Variants in ELMO1 observed in about 807,000 individuals in gnomAD.
The protein encoded by ELMO1 is engulfment and cell motility 1, also known as engulfment and cell motility protein 1.
ELMO1 carries 26 observed loss-of-function variants against 98.9 expected under a neutral mutation model. That is an observed-to-expected ratio of 0.26 (90% CI 0.19 to 0.36). ELMO1 has a LOEUF of 0.36. ELMO1 is among the 10% of genes least tolerant of loss of function. ELMO1 has a pLI of 1.00. For synonymous variants in ELMO1, 346 were observed against 346.0 expected (o/e 1.00, Z 0.00); for missense variants, 627 against 935.2 (o/e 0.67, Z 4.30).
intron 1 of ELMO1, among the ~76,000 whole-genome samples, chr7:37,352,456 C>A (rs971586014): frequency 6.6e-5 from 10 of 152,336 alleles, no homozygotes; most frequent in Non-Finnish European, 1.3e-4. Flanking sequence ...GGGACTTTAA[C>A]GTAACACGTG....
intron 4 of ELMO1, among the ~76,000 whole-genome samples, chr7:37,278,100 G>GTGATAGCTTT (rs1468450197): frequency 7.2e-6 from 1 of 138,540 alleles, no homozygotes; most frequent in Non-Finnish European, 1.5e-5. Flanking sequence ...TTTACTTTCT[G>GTGATAGCTTT]TGATAGCTTT....
intron 13 of ELMO1, among the ~76,000 whole-genome samples, chr7:37,166,791 G>GTGTGC (rs1419095730): frequency 2.6e-5 from 4 of 152,260 alleles, no homozygotes; most frequent in Non-Finnish European, 4.4e-5. Flanking sequence ...GTGTGGTGTG[G>GTGTGC]TGCTGAAAAA....
At chr7:37,361,821 C>T (rs560206536) in intron 1 of ELMO1, among the ~76,000 whole-genome samples, 8 of 152,026 alleles carry the variant, frequency 5.3e-5, no homozygotes, top group African/African-American at 1.4e-4. Context: ...ATTAACCAGG[C>T]GTGGTAGCAC....
chr7:37,078,449 T>C (rs1797700145), intron 15 of ELMO1, among the ~76,000 whole-genome samples: 1 of 152,186 alleles, frequency 6.6e-6, no homozygotes, highest in Middle Eastern at 3.2e-3. Flanking sequence ...TCTTAATATC[T>C]CCCTATATAT....
intron 4 of ELMO1, among the ~76,000 whole-genome samples, chr7:37,289,626 G>T (rs1051858153): frequency 1.1e-4 from 16 of 152,180 alleles, no homozygotes; most frequent in Non-Finnish European, 2.2e-4. Context: ...AGTATGAGAC[G>T]AAGAGAGGAT....
intron 8 of ELMO1, among the ~76,000 whole-genome samples, chr7:37,226,047 T>C: frequency 6.6e-6 from 1 of 152,102 alleles, no homozygotes; most frequent in East Asian, 1.9e-4. Context: ...ACATGATAAA[T>C]GCACAGCACA....
At chr7:37,017,779 ATTTG>A (rs1794027933) in intron 15 of ELMO1, among the ~76,000 whole-genome samples, 3 of 151,678 alleles carry the variant, frequency 2.0e-5, no homozygotes, top group South Asian at 2.1e-4. Flanking sequence ...TTGGTATGTA[ATTTG>A]TTTAAGCCAT....
At chr7:37,042,075 A>T (rs995513990) in intron 15 of ELMO1, among the ~76,000 whole-genome samples, 2 of 151,778 alleles carry the variant, frequency 1.3e-5, no homozygotes, top group Admixed American at 6.6e-5. Context: ...ACTTGAGCTC[A>T]GGAGTTTGAG....
At chr7:37,405,826 C>A (rs1803733543) in intron 1 of ELMO1, among the ~76,000 whole-genome samples, 2 of 152,286 alleles carry the variant, frequency 1.3e-5, no homozygotes, top group Middle Eastern at 3.4e-3. Context: ...CATATGCTGT[C>A]CCGCCCCAGA....
chr7:37,259,423 T>C, intron 5 of ELMO1, 73 bp from the exon 6 acceptor site: 2 of 1,537,246 alleles, frequency 1.3e-6, no homozygotes, highest in Middle Eastern at 1.7e-4. Flanking sequence ...TATGTTTCAA[T>C]GAGGAACAGA....
At chr7:37,250,812 C>A (rs908801466) in intron 6 of ELMO1, among the ~76,000 whole-genome samples, 62 of 141,768 alleles carry the variant, frequency 4.4e-4, no homozygotes, top group Non-Finnish European at 5.2e-4. Context: ...AAAAAAAAAA[C>A]CAGAAACTTT....
chr7:36,894,818 C>A, intron 17 of ELMO1, 36 bp downstream of exon 17: 1 of 1,613,424 alleles, frequency 6.2e-7, no homozygotes, highest in Non-Finnish European at 8.5e-7. Context: ...GGGTTAGAGT[C>A]TTTTGGGAGA....
At chr7:36,983,662 C>T (rs1002756619) in intron 16 of ELMO1, among the ~76,000 whole-genome samples, 1 of 152,184 alleles carries the variant, frequency 6.6e-6, no homozygotes, top group African/African-American at 2.4e-5. Flanking sequence ...ATTATATCTA[C>T]ATATAAAATG....
intron 13 of ELMO1, among the ~76,000 whole-genome samples, chr7:37,205,705 C>T (rs767151497): frequency 9.9e-5 from 15 of 152,010 alleles, no homozygotes; most frequent in Non-Finnish European, 2.1e-4. Flanking sequence ...GTGTCTTGTT[C>T]GACTTCAGCT....
At chr7:37,366,215 C>T (rs1395093781) in intron 1 of ELMO1, among the ~76,000 whole-genome samples, 1 of 152,044 alleles carries the variant, frequency 6.6e-6, no homozygotes, top group African/African-American at 2.4e-5. Flanking sequence ...TCGCCATATC[C>T]TTTCGGTGGT....
intron 6 of ELMO1, among the ~76,000 whole-genome samples, chr7:37,247,621 A>G (rs1334768865): frequency 6.6e-6 from 1 of 152,220 alleles, no homozygotes; most frequent in Non-Finnish European, 1.5e-5. Context: ...ACAAACCCAA[A>G]TTACAGGGTA....
chr7:37,052,078 C>T (rs67017141), intron 15 of ELMO1, among the ~76,000 whole-genome samples: 17,292 of 152,230 alleles, frequency 0.11, 1,135 homozygotes, highest in Middle Eastern at 0.2. Flanking sequence ...CTCCAAGATG[C>T]TTTCACTTCG....
chr7:37,431,040 A>G (rs1804910699), intron 1 of ELMO1, among the ~76,000 whole-genome samples: 2 of 152,254 alleles, frequency 1.3e-5, no homozygotes, highest in South Asian at 4.1e-4. Flanking sequence ...CACAGCAATC[A>G]GAACAGTCTA....
At chr7:37,267,028 T>A (rs147296176) in intron 5 of ELMO1, among the ~76,000 whole-genome samples, 35,503 of 83,668 alleles carry the variant, frequency 0.42, 8,827 homozygotes, top group Middle Eastern at 0.56. Context: ...AAAAAAAAAA[T>A]ATGTATATAT....
Sources: allele counts gnomAD v4.1 joint callset (sites outside exome capture counted in the v4.1 genomes callset), GRCh38; gene constraint gnomAD v4.1.1; transcripts MANE v1.5; gene names NCBI Gene and HGNC (gene_info 2026-07-23, HGNC 2026-07-21).